Variants in MKLN1 observed in about 807,000 individuals in gnomAD.
MKLN1 encodes the protein muskelin 1.
A neutral mutation model predicts 99.0 loss-of-function variants in MKLN1; 18 were observed. The observed-to-expected ratio is 0.18, with a 90% CI of 0.13 to 0.27. The LOEUF is 0.27. MKLN1 is among the 10% of genes least tolerant of loss of function. The pLI, the probability that MKLN1 is intolerant of heterozygous loss-of-function variation, is 1.00. For synonymous variants in MKLN1, 288 were observed against 293.2 expected, an observed-to-expected ratio of 0.98 and a Z score of 0.18; for missense variants, 621 against 875.9, an observed-to-expected ratio of 0.71 and a Z score of 3.67.
chr7:131,224,795 T>G (rs994960390), intron 3 of MKLN1, among the ~76,000 whole-genome samples: 2 of 151,786 alleles, frequency 1.3e-5, no homozygotes, highest in Non-Finnish European at 2.9e-5. Flanking sequence ...GAGATTTGGC[T>G]GGGCGCAGTG....
chr7:131,197,858 A>T (rs1180494126), intron 2 of MKLN1, among the ~76,000 whole-genome samples: 1 of 151,744 alleles, frequency 6.6e-6, no homozygotes, highest in Admixed American at 6.6e-5. Context: ...TTTTTTTAAG[A>T]CAATGTCTGG....
intron 2 of MKLN1, among the ~76,000 whole-genome samples, chr7:131,197,383 TA>T (rs1394080439): frequency 0.031 from 540 of 17,208 alleles, 8 homozygotes; most frequent in African/African-American, 0.073. Flanking sequence ...AAAATTTTAT[TA>T]TTATTATTAT....
intron 2 of MKLN1, among the ~76,000 whole-genome samples, chr7:131,380,192 G>T (rs552068436): frequency 6.6e-6 from 1 of 152,174 alleles, no homozygotes; most frequent in East Asian, 1.9e-4. Flanking sequence ...ATCAGGAATT[G>T]GTAGTATCCC....
At chr7:131,247,466 G>T (rs1797509881) in intron 3 of MKLN1, among the ~76,000 whole-genome samples, 1 of 151,894 alleles carries the variant, frequency 6.6e-6, no homozygotes, top group African/African-American at 2.4e-5. Context: ...TGCCTGCCTG[G>T]GCTTCCCAAA....
chr7:131,327,019 C>G (rs1478188189), upstream of MKLN1: 1 of 152,198 alleles, frequency 6.6e-6, no homozygotes, highest in African/African-American at 2.4e-5. Flanking sequence ...TAATTTAGAC[C>G]AAGTGCACCT....
At chr7:131,458,710 T>TAC (rs1392912028) in intron 12 of MKLN1, among the ~76,000 whole-genome samples, 1 of 152,002 alleles carries the variant, frequency 6.6e-6, no homozygotes, top group Non-Finnish European at 1.5e-5. Context: ...GAAGTTTATA[T>TAC]ACATATATAT....
intron 9 of MKLN1, among the ~76,000 whole-genome samples, chr7:131,429,824 C>T (rs983817781): frequency 6.6e-6 from 1 of 152,202 alleles, no homozygotes; most frequent in African/African-American, 2.4e-5. Context: ...TCGTGATCCA[C>T]CCGCCTCGGC....
rs892377499 is a variant in MKLN1, at chr7:131,491,759, T to G, written c.*4031T>G. On this transcript the variant is annotated 3_prime_UTR_variant, in exon 18 of 18. Transcript: ENST00000352689. Reference sequence around the variant, plus strand: ...AATGCTGTATTAGAGGTTCTATTTATATATGATTTTTAAAACTTTGGTTTC... The same window carrying G: ...AATGCTGTATTAGAGGTTCTATTTAGATATGATTTTTAAAACTTTGGTTTC... The G allele has an allele frequency of 2.0e-5, 3 of 152,672 alleles. No homozygotes were observed. Among genetic ancestry groups the G allele is most frequent in the Non-Finnish European group, 4.4e-5 (3 of 68,044 alleles). 9.5% of individuals were successfully genotyped at this position (152,672 alleles called of 1,614,324 possible).
At chr7:131,343,738 C>T (rs1799475760) in intron 1 of MKLN1, among the ~76,000 whole-genome samples, 1 of 151,994 alleles carries the variant, frequency 6.6e-6, no homozygotes. Context: ...ATGAAGATAT[C>T]TTGATTTTTT....
chr7:131,390,415 G>C (rs1249000885), intron 4 of MKLN1, among the ~76,000 whole-genome samples: 1 of 151,992 alleles, frequency 6.6e-6, no homozygotes, highest in Non-Finnish European at 1.5e-5. Context: ...ACAATTTTAT[G>C]ATTTTATGTT....
intron 3 of MKLN1, among the ~76,000 whole-genome samples, chr7:131,238,233 T>C (rs913654858): frequency 6.6e-6 from 1 of 152,158 alleles, no homozygotes; most frequent in Non-Finnish European, 1.5e-5. Context: ...CCTAAATTGG[T>C]ACTAGATAAA....
At chr7:131,167,112 A>G (rs1216719022) in intron 2 of MKLN1, among the ~76,000 whole-genome samples, 16 of 152,172 alleles carry the variant, frequency 1.1e-4, no homozygotes, top group African/African-American at 3.6e-4. Flanking sequence ...CATCTGACAT[A>G]CTATTTGTTT....
intron 2 of MKLN1, among the ~76,000 whole-genome samples, chr7:131,162,132 C>T (rs1458830439): frequency 9.2e-5 from 14 of 151,626 alleles, no homozygotes; most frequent in African/African-American, 3.4e-4. Context: ...CTCCTGAGTT[C>T]AAGCGATCCT....
chr7:131,135,569 T>C (rs764399828), intron 1 of MKLN1, among the ~76,000 whole-genome samples: 2 of 152,174 alleles, frequency 1.3e-5, no homozygotes, highest in African/African-American at 4.8e-5. Flanking sequence ...CCAAAGAGAC[T>C]GCGAGGGAAC....
chr7:131,150,039 C>T (rs545353434), intron 2 of MKLN1, among the ~76,000 whole-genome samples: 3 of 152,144 alleles, frequency 2.0e-5, no homozygotes, highest in Non-Finnish European at 4.4e-5. Flanking sequence ...GCATGCTCCA[C>T]CTCAGCTGGC....
intron 8 of MKLN1, among the ~76,000 whole-genome samples, chr7:131,420,238 T>C (rs1050591306): frequency 8.0e-5 from 12 of 150,240 alleles, no homozygotes; most frequent in Non-Finnish European, 1.5e-4. Context: ...GCTGGCTGCT[T>C]ATGAAAGAGT....
Position 131,369,228 on chromosome 7 carries a change from A to G in MKLN1, c.99-6196A>G, listed in dbSNP as rs112537844. 3.1e-3 allele frequency among the ~76,000 whole-genome samples: 472 copies of G among 152,256 alleles called. 1 individual carries two copies. The highest frequency in any genetic ancestry group is 0.011 in the African/African-American group (450 of 41,570). On this transcript the variant is annotated intron_variant, in intron 1 of 17. Transcript: ENST00000352689. ...TATCATATGTCCTTACGTACTGGAG[A>G]TTTTATTTCTGTGGGATGGATTTTG... is the stretch of plus-strand genomic sequence containing the variant.
chr7:131,212,686 G>A (rs2116435043), intron 3 of MKLN1, among the ~76,000 whole-genome samples: 1 of 152,282 alleles, frequency 6.6e-6, no homozygotes, highest in Non-Finnish European at 1.5e-5. Flanking sequence ...CACTTTGGGA[G>A]GCCGAGGAGG....
chr7:131,234,891 C>T (rs1361080582), intron 3 of MKLN1, among the ~76,000 whole-genome samples: 1 of 152,168 alleles, frequency 6.6e-6, no homozygotes, highest in Non-Finnish European at 1.5e-5. Flanking sequence ...CCTACATTTG[C>T]TGTCTAATTC....
Sources: allele counts gnomAD v4.1 joint callset (sites outside exome capture counted in the v4.1 genomes callset), GRCh38; gene constraint gnomAD v4.1.1; transcripts MANE v1.5; gene names NCBI Gene and HGNC (gene_info 2026-07-23, HGNC 2026-07-21).